The following LPP variants were observed in gnomAD, a reference collection of about 807,000 sequenced individuals.
LPP encodes the protein LIM domain containing preferred translocation partner in lipoma.
In LPP, 38 loss-of-function variants were observed where a neutral mutation model predicts 60.4. That is an observed-to-expected ratio of 0.63 (90% CI 0.49 to 0.83). LPP has a LOEUF of 0.83. LPP is among the 40% of genes least tolerant of loss of function. LPP has a pLI of 0.00. For synonymous variants in LPP, 328 were observed against 290.8 expected (o/e 1.13, Z -1.30); for missense variants, 902 against 783.6 (o/e 1.15, Z -1.80).
At chr3:188,397,462 T>A (rs1781220384) in intron 3 of LPP, among the ~76,000 whole-genome samples, 1 of 152,156 alleles carries the variant, frequency 6.6e-6, no homozygotes, top group African/African-American at 2.4e-5. Context: ...ACTTAGTCAG[T>A]ATTTGTTCCG....
intron 7 of LPP, among the ~76,000 whole-genome samples, chr3:188,671,857 TATTGACTA>T (rs1857022287): frequency 6.6e-6 from 1 of 152,186 alleles, no homozygotes; most frequent in South Asian, 2.1e-4. Flanking sequence ...TTGAATATAA[TATTGACTA>T]ATTAGTCAGC....
chr3:188,158,070 AG>A (rs2148667358), intron 1 of LPP, among the ~76,000 whole-genome samples: 2 of 152,266 alleles, frequency 1.3e-5, no homozygotes, highest in South Asian at 4.2e-4. Context: ...CAGGAGAATA[AG>A]GCTGGGTAGG....
intron 9 of LPP, among the ~76,000 whole-genome samples, chr3:188,786,951 T>C (rs1171014603): frequency 6.6e-6 from 1 of 152,128 alleles, no homozygotes; most frequent in African/African-American, 2.4e-5. Context: ...GATTAGGAAT[T>C]GGGGGTTTGG....
intron 3 of LPP, among the ~76,000 whole-genome samples, chr3:188,367,083 A>G (rs1771419188): frequency 6.6e-6 from 1 of 152,008 alleles, no homozygotes; most frequent in African/African-American, 2.4e-5. Context: ...TTTTTAGTAG[A>G]GACGGGGTTT....
At chr3:188,638,133 G>C (rs573452640) in intron 7 of LPP, among the ~76,000 whole-genome samples, 2 of 135,960 alleles carry the variant, frequency 1.5e-5, no homozygotes, top group Non-Finnish European at 3.2e-5. Flanking sequence ...CTGGCAAAAC[G>C]AATCCAGCAG....
chr3:188,487,978 C>CATCTAGTT (rs1560468423), intron 5 of LPP, among the ~76,000 whole-genome samples: 1 of 151,268 alleles, frequency 6.6e-6, no homozygotes, highest in African/African-American at 2.4e-5. Flanking sequence ...TGGCGCCAGG[C>CATCTAGTT]ATCTAGTTAC....
intron 1 of LPP, among the ~76,000 whole-genome samples, chr3:188,161,278 G>A (rs1194629303): frequency 6.6e-6 from 1 of 152,180 alleles, no homozygotes. Context: ...CAGAGTCCCA[G>A]CTTAGAAGGC....
intron 6 of LPP, among the ~76,000 whole-genome samples, chr3:188,545,803 A>T (rs1048457532): frequency 6.6e-6 from 1 of 152,098 alleles, no homozygotes; most frequent in African/African-American, 2.4e-5. Context: ...ACTTACACAG[A>T]GTGTCCTTTC....
intron 3 of LPP, among the ~76,000 whole-genome samples, chr3:188,354,362 G>A (rs1320662691): frequency 6.6e-6 from 1 of 152,104 alleles, no homozygotes; most frequent in Non-Finnish European, 1.5e-5. Flanking sequence ...AATAATAATG[G>A]CATAATGTCC....
At chr3:188,708,456 A>G (rs752502207) in intron 8 of LPP, 63 bp downstream of exon 8, 3 of 1,608,380 alleles carry the variant, frequency 1.9e-6, no homozygotes, top group Non-Finnish European at 2.6e-6. Flanking sequence ...TTCCTTAGTA[A>G]TTGGAACTAT....
intron 6 of LPP, among the ~76,000 whole-genome samples, chr3:188,527,300 G>A (rs36099534): frequency 0.46 from 65,939 of 144,354 alleles, 15,816 homozygotes; most frequent in East Asian, 0.92. Flanking sequence ...CAGTGAGCCA[G>A]GATCACGCCA....
intron 1 of LPP, among the ~76,000 whole-genome samples, chr3:188,219,522 C>G (rs1447437865): frequency 6.6e-6 from 1 of 152,128 alleles, no homozygotes; most frequent in East Asian, 1.9e-4. Flanking sequence ...TATTCCTGAC[C>G]CTGGCTCAGG....
At chr3:188,180,098 T>G (rs1296419264) in intron 1 of LPP, 1 of 153,072 alleles carries the variant, frequency 6.5e-6, no homozygotes, top group East Asian at 1.9e-4. Flanking sequence ...GCAATGAGTG[T>G]AAGACACTTA....
intron 9 of LPP, among the ~76,000 whole-genome samples, chr3:188,841,592 A>C (rs1488104099): frequency 6.6e-6 from 1 of 152,056 alleles, no homozygotes; most frequent in Non-Finnish European, 1.5e-5. Flanking sequence ...GGGTTTCACC[A>C]TCTTGGCCAG....
At chr3:188,737,641 C>T (rs1722991079) in intron 8 of LPP, among the ~76,000 whole-genome samples, 1 of 152,140 alleles carries the variant, frequency 6.6e-6, no homozygotes, top group African/African-American at 2.4e-5. Context: ...TAGTTCTAGA[C>T]TCAGATACCA....
chr3:188,718,535 C>T (rs182751762), intron 8 of LPP, among the ~76,000 whole-genome samples: 2 of 152,226 alleles, frequency 1.3e-5, no homozygotes, highest in African/African-American at 4.8e-5. Context: ...AAAAGAGATT[C>T]CCAGTATCTT....
intron 7 of LPP, among the ~76,000 whole-genome samples, chr3:188,650,091 G>GCATC (rs1400505217): frequency 2.0e-5 from 3 of 152,072 alleles, no homozygotes; most frequent in Admixed American, 6.6e-5. Context: ...CTGATGTTTT[G>GCATC]CATCCATCCA....
At chr3:188,560,454 A>G (rs1830418332) in intron 6 of LPP, among the ~76,000 whole-genome samples, 1 of 152,086 alleles carries the variant, frequency 6.6e-6, no homozygotes, top group African/African-American at 2.4e-5. Context: ...TCTCCTACGT[A>G]ATGTAGTTTA....
intron 6 of LPP, among the ~76,000 whole-genome samples, chr3:188,578,613 A>T (rs1051693699): frequency 8.3e-6 from 1 of 120,068 alleles, no homozygotes; most frequent in Admixed American, 9.9e-5. Context: ...AACTTTAGCA[A>T]CTCATTCCCT....
Sources: gnomAD v4.1 joint callset for allele counts (sites outside exome capture counted in the v4.1 genomes callset) on GRCh38, gnomAD v4.1.1 for gene constraint, MANE v1.5 for transcripts, NCBI Gene and HGNC (gene_info 2026-07-23, HGNC 2026-07-21) for gene names.